Variants in PGM2L1 observed in about 807,000 individuals in gnomAD.
PGM2L1 encodes the protein phosphoglucomutase 2 like 1, also known as glucose 1,6-bisphosphate synthase.
Under a neutral mutation model 73.4 loss-of-function variants are expected in PGM2L1, and 35 were observed. The observed-to-expected ratio is 0.48, with a 90% CI of 0.36 to 0.63. The LOEUF is 0.63. Among genes scored for constraint, PGM2L1 ranks in the 30% least tolerant of loss-of-function variants. The pLI is 0.00. For synonymous variants in PGM2L1, 225 were observed against 253.8 expected (o/e 0.89, Z 1.08); for missense variants, 570 against 742.0 (o/e 0.77, Z 2.69).
At chr11:74,382,525 G>T (rs1862961913) in intron 1 of PGM2L1, among the ~76,000 whole-genome samples, 1 of 152,094 alleles carries the variant, frequency 6.6e-6, no homozygotes, top group Non-Finnish European at 1.5e-5. Flanking sequence ...TTGAGGCAGA[G>T]TATCACTCTG....
chr11:74,346,063 G>A (rs1862256524), intron 8 of PGM2L1, among the ~76,000 whole-genome samples: 1 of 151,768 alleles, frequency 6.6e-6, no homozygotes, highest in East Asian at 1.9e-4. Context: ...TCAGGAGTTC[G>A]AGACCAGCCT....
At position 74,398,306 on chromosome 11, in the gene PGM2L1, T is replaced by G. The variant is rs1237037298; in HGVS notation, c.-145A>C. On this transcript the variant is annotated 5_prime_UTR_variant, in exon 1 of 14. Transcript: ENST00000298198. ...CCAACCGCAGGGTGTTCGTAACAGC[T>G]CCTGCCGCGGCGTCAGGGAACCGGG... The G allele has an allele frequency of 1.9e-5, 24 of 1,235,090 alleles. No homozygotes were observed. The highest frequency in any genetic ancestry group is 2.6e-4 in the Middle Eastern group (1 of 3,898). 76.5% of individuals were successfully genotyped at this position (1,235,090 alleles called of 1,614,324 possible). A position where few individuals can be genotyped will look rare whatever the true frequency, so the allele number is the denominator to read the frequency against.
At chr11:74,369,262 T>A (rs1275987457) in intron 4 of PGM2L1, among the ~76,000 whole-genome samples, 1 of 152,092 alleles carries the variant, frequency 6.6e-6, no homozygotes, top group Non-Finnish European at 1.5e-5. Context: ...TTTCTCCCAA[T>A]AATAGACCCA....
At chr11:74,355,000 A>G in intron 5 of PGM2L1, 1 of 1,224,450 alleles carries the variant, frequency 8.2e-7, no homozygotes, top group Non-Finnish European at 1.2e-6. Context: ...AAGCAAGAAG[A>G]GATGGCTAGT....
At chr11:74,356,574 C>G (rs182396657) in intron 5 of PGM2L1, among the ~76,000 whole-genome samples, 8 of 152,070 alleles carry the variant, frequency 5.3e-5, no homozygotes, top group African/African-American at 1.9e-4. Context: ...GATACCAATA[C>G]AAATGCCAAA....
chr11:74,377,083 CTATAA>C (rs1037006353), intron 1 of PGM2L1, among the ~76,000 whole-genome samples: 5 of 151,506 alleles, frequency 3.3e-5, no homozygotes, highest in African/African-American at 9.7e-5. Context: ...ATTTTATAAA[CTATAA>C]TATATGAAGA....
At chr11:74,367,175 G>A (rs1862673264) in intron 5 of PGM2L1, among the ~76,000 whole-genome samples, 1 of 152,140 alleles carries the variant, frequency 6.6e-6, no homozygotes, top group African/African-American at 2.4e-5. Flanking sequence ...GACTGAAGGA[G>A]GACCACTCTT....
chr11:74,362,055 A>G (rs1201651258), intron 5 of PGM2L1, among the ~76,000 whole-genome samples: 1 of 152,194 alleles, frequency 6.6e-6, no homozygotes, highest in Non-Finnish European at 1.5e-5. Context: ...GAACGCCACA[A>G]AGATACTCCT....
chr11:74,389,313 T>C (rs1863057074), intron 1 of PGM2L1, among the ~76,000 whole-genome samples: 1 of 152,196 alleles, frequency 6.6e-6, no homozygotes, highest in Admixed American at 6.5e-5. Context: ...AAGATGTATA[T>C]TCTTTTGTTA....
At chr11:74,344,539 C>A (rs145236368) in intron 9 of PGM2L1, among the ~76,000 whole-genome samples, 1 of 152,224 alleles carries the variant, frequency 6.6e-6, no homozygotes, top group East Asian at 1.9e-4. Context: ...TAAAGCTCAC[C>A]ATTACTAACT....
chr11:74,357,334 T>C (rs924114216), intron 5 of PGM2L1, among the ~76,000 whole-genome samples: 1 of 152,128 alleles, frequency 6.6e-6, no homozygotes, highest in Non-Finnish European at 1.5e-5. Context: ...TTATCCAAAA[T>C]ATATAAAGAA....
intron 5 of PGM2L1, among the ~76,000 whole-genome samples, chr11:74,351,952 ACT>A (rs1862362751): frequency 7.1e-6 from 1 of 140,160 alleles, no homozygotes; most frequent in Admixed American, 7.6e-5. Flanking sequence ...ACAGAGCGAG[ACT>A]CTGTCTCAAA....
At chr11:74,371,616 TCTA>T in intron 3 of PGM2L1, 92 bp downstream of exon 3, 1 of 922,264 alleles carries the variant, frequency 1.1e-6, no homozygotes, top group Non-Finnish European at 1.7e-6. Context: ...TATCTGACAG[TCTA>T]CTGTTTCAGA....
At position 74,355,553 on chromosome 11, in the gene PGM2L1, CAAAAAA is replaced by C. The variant is rs547652950; in HGVS notation, c.556-3983_556-3978del. 1.6e-3 allele frequency: 187 copies of C among 114,112 alleles called. 1 individual carries two copies. The highest frequency in any genetic ancestry group is 3.9e-3 in the Middle Eastern group (1 of 258). 7.1% of individuals were successfully genotyped at this position (114,112 alleles called of 1,614,324 possible). A position where few individuals can be genotyped will look rare whatever the true frequency, so the allele number is the denominator to read the frequency against. The stretch of plus-strand genomic sequence containing the variant: ...TGGGCGACAGAGCGAGACTCCGTCT[CAAAAAA>C]AAAAAAAAAAAAAAAAAAAATTTGG... On this transcript the variant is annotated intron_variant, in intron 5 of 13. Coordinates refer to ENST00000298198, the MANE Select transcript of PGM2L1 (RefSeq NM_173582.6).
chr11:74,360,773 G>T (rs1862550081), intron 5 of PGM2L1, among the ~76,000 whole-genome samples: 1 of 152,188 alleles, frequency 6.6e-6, no homozygotes, highest in African/African-American at 2.4e-5. Flanking sequence ...TGGCTCGGAG[G>T]GTCCCATGCC....
chr11:74,355,748 A>T, intron 5 of PGM2L1: 1 of 485,596 alleles, frequency 2.1e-6, no homozygotes, highest in East Asian at 5.9e-5. Context: ...AACAAAGCTT[A>T]GCATGAGAGG....
At chr11:74,387,440 T>C (rs981670002) in intron 1 of PGM2L1, among the ~76,000 whole-genome samples, 1 of 152,224 alleles carries the variant, frequency 6.6e-6, no homozygotes, top group Admixed American at 6.5e-5. Flanking sequence ...GTAAGTACCA[T>C]GTCTGGTACA....
At chr11:74,377,323 C>T (rs1591186804) in intron 1 of PGM2L1, among the ~76,000 whole-genome samples, 1 of 151,950 alleles carries the variant, frequency 6.6e-6, no homozygotes, top group East Asian at 1.9e-4. Context: ...TTAGTAGAGA[C>T]GAGGTTTCAC....
chr11:74,391,660 A>G (rs532500705), intron 1 of PGM2L1, among the ~76,000 whole-genome samples: 2 of 152,012 alleles, frequency 1.3e-5, no homozygotes, highest in African/African-American at 4.8e-5. Context: ...GACTTAACTC[A>G]GTTTTTTTCC....
Sources: gnomAD v4.1 joint callset for allele counts (sites outside exome capture counted in the v4.1 genomes callset) on GRCh38, gnomAD v4.1.1 for gene constraint, MANE v1.5 for transcripts, NCBI Gene and HGNC (gene_info 2026-07-23, HGNC 2026-07-21) for gene names.